CHST15: variants seen among roughly 807,000 people sequenced by gnomAD.
CHST15 encodes B cell RAG associated protein (GALNAC4S-6ST).
Under a neutral mutation model 53.6 loss-of-function variants are expected in CHST15, and 30 were observed. That is an observed-to-expected ratio of 0.56 (90% CI 0.42 to 0.76). CHST15 has a LOEUF of 0.76. CHST15 is among the 30% of genes least tolerant of loss of function. The pLI, the probability that CHST15 is intolerant of heterozygous loss-of-function variation, is 0.00. For synonymous variants in CHST15, 296 were observed against 289.8 expected (o/e 1.02, Z -0.22); for missense variants, 627 against 740.5 (o/e 0.85, Z 1.78).
chr10:124,007,906 G>A lies in CHST15; in HGVS notation c.*2243C>T, dbSNP rs565583734. 30 of 1,232,008 alleles carry A rather than the reference G, an allele frequency of 2.4e-5. No individual in the cohort carries two copies. The South Asian group carries it at 3.3e-4, about 14-fold the overall frequency. The allele number at this position is 1,232,008 out of a possible 1,614,324, so 76.3% of individuals were successfully genotyped here. ...TTGAATGGCAGGCTCGAGAACCACC[G>A]CCCAGAACGGAACCTATTCTGTCAG... On this transcript the variant is annotated 3_prime_UTR_variant, in exon 8 of 8. Coordinates refer to ENST00000435907, the MANE Select transcript of CHST15 (RefSeq NM_001270764.2).
At chr10:124,062,305 T>C (rs1948601268) in intron 1 of CHST15, among the ~76,000 whole-genome samples, 1 of 152,150 alleles carries the variant, frequency 6.6e-6, no homozygotes, top group African/African-American at 2.4e-5. Context: ...CCCATACAGC[T>C]GCTGGGCACA....
chr10:124,082,455 CAG>C (rs1949275910), intron 1 of CHST15, among the ~76,000 whole-genome samples: 1 of 152,236 alleles, frequency 6.6e-6, no homozygotes, highest in Non-Finnish European at 1.5e-5. Flanking sequence ...GGATCACTGA[CAG>C]GGGGATCGGG....
At position 124,038,386 on chromosome 10, in the gene CHST15, A is replaced by T. The variant is rs900202694; in HGVS notation, c.1190+129T>A. 18 of 1,029,000 alleles carry T rather than the reference A, an allele frequency of 1.7e-5. No individual in the cohort carries two copies. In the Admixed American group the frequency reaches 4.2e-4, roughly 24 times the overall value. The allele number at this position is 1,029,000 out of a possible 1,614,324, so 63.7% of individuals were successfully genotyped here. On this transcript the variant is annotated intron_variant, in intron 5 of 7. Transcript: ENST00000435907. ...CTCCCAAAGTGCTGGGATTACAGGC[A>T]TGAGCCACTGTACCCGACCTGTTTA...
chr10:124,020,308 G>A, intron 6 of CHST15: 1 of 985,456 alleles, frequency 1.0e-6, no homozygotes, highest in Non-Finnish European at 1.2e-6. Context: ...CTGGAAACCT[G>A]ACCCACACCA....
rs762290121 is a variant in CHST15, at chr10:124,021,240, G to A, written c.1347+16C>T. On this transcript the variant is annotated intron_variant, in intron 6 of 7. Coordinates refer to ENST00000435907, the MANE Select transcript of CHST15 (RefSeq NM_001270764.2). The stretch of plus-strand genomic sequence containing the variant: ...CAGGGGCCAGCTCGGGGGGTACGGG[G>A]GGGGGGGGTACACACAGGCATGGCG... 6.4e-6 allele frequency: 10 copies of A among 1,563,338 alleles called. No individual in the cohort carries two copies. Among genetic ancestry groups the A allele is most frequent in the African/African-American group, 4.3e-5 (3 of 69,402 alleles).
intron 1 of CHST15, among the ~76,000 whole-genome samples, chr10:124,048,429 G>A (rs1004062029): frequency 2.0e-5 from 3 of 152,208 alleles, no homozygotes; most frequent in African/African-American, 7.2e-5. Context: ...GATGCAGAAG[G>A]GGCCAGTTCT....
At chr10:124,087,232 G>A (rs1949460641) in intron 1 of CHST15, among the ~76,000 whole-genome samples, 1 of 152,114 alleles carries the variant, frequency 6.6e-6, no homozygotes, top group African/African-American at 2.4e-5. Context: ...CTACCTACAG[G>A]GACACAGAAA....
chr10:124,030,208 C>T (rs186073693), intron 5 of CHST15, among the ~76,000 whole-genome samples: 265 of 152,264 alleles, frequency 1.7e-3, no homozygotes, highest in Admixed American at 2.9e-3. Context: ...TCCTTCTGGC[C>T]TGGGCGCTGC....
intron 5 of CHST15, among the ~76,000 whole-genome samples, chr10:124,034,492 GAAGA>G (rs1345863757): frequency 1.3e-5 from 2 of 151,816 alleles, no homozygotes; most frequent in Admixed American, 1.3e-4. Context: ...AGAACTCCAG[GAAGA>G]AAGAAACATA....
At chr10:124,013,950 T>A (rs146019458) in intron 6 of CHST15, among the ~76,000 whole-genome samples, 3 of 152,228 alleles carry the variant, frequency 2.0e-5, no homozygotes, top group African/African-American at 7.2e-5. Context: ...CCCTGGTCTC[T>A]GCACTCTCAT....
At chr10:124,042,272 G>A (rs751338140) in intron 4 of CHST15, 29 bp downstream of exon 4, 15 of 1,596,198 alleles carry the variant, frequency 9.4e-6, no homozygotes, top group Non-Finnish European at 1.3e-5. Context: ...GAGGGTGCTA[G>A]CCCTGCCAGA....
intron 7 of CHST15, chr10:124,011,800 C>CT: frequency 1.0e-6 from 1 of 985,454 alleles, no homozygotes; most frequent in Non-Finnish European, 1.2e-6. Context: ...CCACACGGCT[C>CT]TGACTCCTGG....
chr10:124,044,174 G>C (rs927379772), intron 3 of CHST15, among the ~76,000 whole-genome samples: 1 of 150,466 alleles, frequency 6.6e-6, no homozygotes, highest in Admixed American at 6.6e-5. Context: ...GCTTGGGAGC[G>C]GCACAGAGCT....
chr10:124,061,392 C>T (rs1474747583), intron 1 of CHST15, among the ~76,000 whole-genome samples: 10 of 152,204 alleles, frequency 6.6e-5, no homozygotes, highest in Non-Finnish European at 4.4e-5. Flanking sequence ...CTCATTTTCT[C>T]TTGCCGCAGC....
rs1946368044 is a variant in CHST15 at position 124,010,063 on chromosome 10, G to A, written c.*86C>T. The A allele has an allele frequency of 6.2e-6, 10 of 1,604,260 alleles. No homozygotes were observed. The highest frequency in any genetic ancestry group is 7.7e-6 in the Non-Finnish European group (9 of 1,175,866). Reference sequence around the variant, plus strand: ...AGTCCTGGGGTTTTCCATACCATGAGTGAAACAGTTCCCCGCAAAGAGATT... The same window carrying A: ...AGTCCTGGGGTTTTCCATACCATGAATGAAACAGTTCCCCGCAAAGAGATT... On this transcript the variant is annotated 3_prime_UTR_variant, in exon 8 of 8. Coordinates refer to ENST00000435907, the MANE Select transcript of CHST15 (RefSeq NM_001270764.2).
At position 124,021,239 on chromosome 10, in the gene CHST15, G is replaced by GGA. The variant is rs201105451; in HGVS notation, c.1347+16_1347+17insTC. 4 of 1,441,750 alleles carry GGA rather than the reference G, an allele frequency of 2.8e-6. No individual in the cohort carries two copies. The highest frequency in any genetic ancestry group is 3.8e-6 in the Non-Finnish European group (4 of 1,064,190). 89.3% of individuals were successfully genotyped at this position (1,441,750 alleles called of 1,614,324 possible). A position where few individuals can be genotyped will look rare whatever the true frequency, so the allele number is the denominator to read the frequency against. ...CCAGGGGCCAGCTCGGGGGGTACGGGGGGGGGGGGTACACACAGGCATGGC... is the reference window on the plus strand; with the variant it reads ...CCAGGGGCCAGCTCGGGGGGTACGGGGAGGGGGGGGGTACACACAGGCATGGC... On this transcript the variant is annotated intron_variant, in intron 6 of 7. Coordinates refer to ENST00000435907, the MANE Select transcript of CHST15 (RefSeq NM_001270764.2).
At chr10:124,034,844 CTACCCCTAACAGGGACCCT>C (rs1947387542) in intron 5 of CHST15, among the ~76,000 whole-genome samples, 1 of 144,676 alleles carries the variant, frequency 6.9e-6, no homozygotes, top group African/African-American at 2.6e-5. Context: ...GACCCTGGTT[CTACCCCTAACAGGGACCCT>C]GGCTCTACTC....
intron 5 of CHST15, among the ~76,000 whole-genome samples, chr10:124,035,653 G>A (rs1947468927): frequency 6.6e-6 from 1 of 152,214 alleles, no homozygotes; most frequent in Admixed American, 6.5e-5. Flanking sequence ...CAGGGACCTT[G>A]GCTCCACCCT....
intron 1 of CHST15, among the ~76,000 whole-genome samples, chr10:124,084,928 C>G (rs1949370766): frequency 6.6e-6 from 1 of 152,218 alleles, no homozygotes; most frequent in Admixed American, 6.5e-5. Context: ...GCTGCAGCTA[C>G]CAGGCAGAAC....
Sources: allele counts gnomAD v4.1 joint callset (sites outside exome capture counted in the v4.1 genomes callset), GRCh38; gene constraint gnomAD v4.1.1; transcripts MANE v1.5; gene names NCBI Gene and HGNC (gene_info 2026-07-23, HGNC 2026-07-21).